FHOD1: variants seen among roughly 807,000 people sequenced by gnomAD.
FHOD1 encodes the protein formin homology 2 domain containing 1.
Under a neutral mutation model 111.6 loss-of-function variants are expected in FHOD1, and 89 were observed. That is an observed-to-expected ratio of 0.80 (90% confidence interval 0.67 to 0.95). The LOEUF (loss-of-function observed/expected upper bound fraction) is 0.95. Ranked by LOEUF, FHOD1 falls within the 40% of genes least tolerant of loss-of-function variation. The pLI, the probability that FHOD1 is intolerant of heterozygous loss-of-function variation, is 0.00. For synonymous variants in FHOD1, 618 were observed against 639.0 expected (o/e 0.97, Z 0.50); for missense variants, 1,446 against 1,554.2 (o/e 0.93, Z 1.17).
rs780484632 is a variant in FHOD1, at chr16:67,237,597, G to T, written c.755-28C>A. 3 of 1,613,432 alleles carry T rather than the reference G, an allele frequency of 1.9e-6. No individual in the cohort carries two copies. The highest frequency in any genetic ancestry group is 4.5e-5 in the East Asian group (2 of 44,884). On this transcript the variant is annotated intron_variant, in intron 7 of 21. Coordinates refer to ENST00000258201, the MANE Select transcript of FHOD1 (RefSeq NM_013241.3). The surrounding 1 kb of genome is among the most constrained non-coding windows in gnomAD (Gnocchi z 5.6). ...GCCACACAGAAAGTGGAGCAGTCAT[G>T]GGGGAACAGGTAGGAGAGAGGGCTC...
At chr16:67,236,869 G>A in intron 10 of FHOD1, 97 bp downstream of exon 10, 2 of 1,479,064 alleles carry the variant, frequency 1.4e-6, no homozygotes, top group Non-Finnish European at 1.8e-6. Flanking sequence ...GGCTGTCTGT[G>A]GGGCGGGGCC....
Position 67,234,123 on chromosome 16 carries a change from T to C in FHOD1, c.1580A>G (p.Glu527Gly), listed in dbSNP as rs2271290. The change falls in exon 13 of 22, where the codon GAG becomes GGG. Residue 527 changes from glutamate to glycine, a missense_variant. By Grantham distance (98) the Glu-to-Gly change is moderately conservative (BLOSUM62 -2). This residue lies in a region of FHOD1 where 1,085 missense variants were observed against 1,108.8 expected (regional missense o/e 0.98). Coordinates refer to ENST00000258201, the MANE Select transcript of FHOD1 (RefSeq NM_013241.3). ...ACGGGTAGGGAGCTCCCAGATGGGCTCAGCCTTGGGGCTTGCTGGTATCAG... is the reference window on the plus strand; with the variant it reads ...ACGGGTAGGGAGCTCCCAGATGGGCCCAGCCTTGGGGCTTGCTGGTATCAG... ...EPLIPASPKA[E>G]PIWELPTRAP... The C allele has an allele frequency of 1.3e-6, 2 of 1,583,862 alleles. No individual in the cohort carries two copies. The highest frequency in any genetic ancestry group is 1.3e-5 in the African/African-American group (1 of 74,250).
chr16:67,236,998 G>C lies in FHOD1; in HGVS notation c.1110C>G (p.Gly370=), dbSNP rs756978661. ...CCGGGGCACGCGCGGGGCAGCCCCC[G>C]CCTTCCAGAGAACGGCGGCTCCTCT... ...EGKRSRRSLE[G]GGCPARAPEP... The change falls in exon 10 of 22, where the codon GGC becomes GGG. Residue 370 remains glycine, a synonymous_variant. Transcript: ENST00000258201. 1.9e-6 allele frequency: 3 copies of C among 1,606,464 alleles called. No homozygotes were observed. The highest frequency in any genetic ancestry group is 1.1e-5 in the South Asian group (1 of 90,336).
At chr16:67,239,083 G>C in intron 2 of FHOD1, 116 bp from the exon 3 acceptor site, 3 of 1,021,212 alleles carry the variant, frequency 2.9e-6, no homozygotes, top group Non-Finnish European at 4.5e-6. Context: ...GTTCCTCCCA[G>C]CTGCTCCTCC....
rs139535724 is a variant in FHOD1 at position 67,233,712 on chromosome 16, G to A, written c.1991C>T (p.Thr664Met). 6.8e-6 allele frequency: 11 copies of A among 1,611,514 alleles called. No homozygotes were observed. The African/African-American group carries it at 8.0e-5, about 12-fold the overall frequency. The part of the protein sequence containing the change: ...WASLDPVSVD[T>M]ARLEHLFESR... ...CTCAAAGAGGTGTTCCAGTCGGGCC[G>A]TGTCCACTGAGACAGGGTCCAGTGA... Residue 664 changes from threonine (T) to methionine (M), a missense_variant, in exon 13 of 22, where the codon ACG becomes ATG. Physicochemically the swap from Thr to Met is moderately conservative, Grantham distance 81 (BLOSUM62 -1). Coordinates refer to ENST00000258201, the MANE Select transcript of FHOD1 (RefSeq NM_013241.3).
intron 1 of FHOD1, among the ~76,000 whole-genome samples, chr16:67,240,832 C>T (rs2142297883): frequency 6.6e-6 from 1 of 152,344 alleles, no homozygotes; most frequent in African/African-American, 2.4e-5. Flanking sequence ...GGCTCTGGCC[C>T]TTGAGATGCC....
rs138761571 is a variant in FHOD1, at chr16:67,240,046, G to A, written c.202-592C>T. On this transcript the variant is annotated intron_variant, in intron 1 of 21. Transcript: ENST00000258201. ...AAGAAAGTGTTAAGATGGCTGGGAG[G>A]TGCAAACCCACCCGGGAGAGTGTGT... 3.9e-5 allele frequency among the ~76,000 whole-genome samples: 6 copies of A among 152,304 alleles called. No individual in the cohort carries two copies. The East Asian group carries it at 1.2e-3, about 29-fold the overall frequency.
chr16:67,234,757 G>T, intron 11 of FHOD1: 4 of 374,854 alleles, frequency 1.1e-5, no homozygotes, highest in South Asian at 4.7e-5. Context: ...CACTGTCCTG[G>T]TTTTTTTTTG....
At position 67,232,816 on chromosome 16, in the gene FHOD1, AT is replaced by A. The variant is rs569365125; in HGVS notation, c.2047-623del. Among the ~76,000 whole-genome samples the A allele has an allele frequency of 4.3e-3, 621 of 144,682 alleles. 4 individuals are homozygous for A. In the Middle Eastern group the frequency reaches 0.055, roughly 13 times the overall value. 94.9% of individuals were successfully genotyped at this position (144,682 alleles called of 152,430 possible). A position where few individuals can be genotyped will look rare whatever the true frequency, so the allele number is the denominator to read the frequency against. ...CAGGCGTGTACCACCATACCCAACT[AT>A]TTTTTTTTTTAACATTTTTTTTTCC... On this transcript the variant is annotated intron_variant, in intron 13 of 21. Transcript: ENST00000258201.
chr16:67,236,474 G>A, intron 11 of FHOD1, 83 bp downstream of exon 11: 1 of 1,557,038 alleles, frequency 6.4e-7, no homozygotes, highest in South Asian at 1.2e-5. Flanking sequence ...TTGGGCAGAG[G>A]AGGCTGAGTG....
Position 67,247,214 on chromosome 16 carries a change from A to G in FHOD1, c.197T>C (p.Leu66Pro). 6.3e-7 allele frequency: 1 copy of G among 1,574,890 alleles called. No homozygotes were observed. Among genetic ancestry groups the G allele is most frequent in the Non-Finnish European group, 8.6e-7 (1 of 1,163,444 alleles). Reference protein sequence around the residue: ...PAVHRLLGAPLKLEDCALQVS... With the variant: ...PAVHRLLGAPPKLEDCALQVS... Reference sequence around the variant, plus strand: ...CCTTTCTCCGGCCTCCCTCACCTTGAGCGGCGCTCCCAGCAGGCGGTGCAC... The same window carrying G: ...CCTTTCTCCGGCCTCCCTCACCTTGGGCGGCGCTCCCAGCAGGCGGTGCAC... The change falls in exon 1 of 22, where the codon CTC becomes CCC. Residue 66 changes from leucine to proline, a missense_variant. By Grantham distance (98) the Leu-to-Pro change is moderately conservative (BLOSUM62 -3). Transcript: ENST00000258201.
At chr16:67,233,537 CCTTT>C in intron 13 of FHOD1, 116 bp downstream of exon 13, 1 of 1,370,620 alleles carries the variant, frequency 7.3e-7, no homozygotes, top group South Asian at 1.6e-5. Context: ...ATTTCCTACT[CCTTT>C]CTTTGCCTTG....
intron 1 of FHOD1, 29 bp downstream of exon 1, chr16:67,247,181 C>A: frequency 6.7e-7 from 1 of 1,501,790 alleles, no homozygotes; most frequent in Non-Finnish European, 8.8e-7. Flanking sequence ...AACCCCCGAT[C>A]GCCCCAACCT....
At chr16:67,242,122 C>T (rs1367839394) in intron 1 of FHOD1, among the ~76,000 whole-genome samples, 2 of 152,172 alleles carry the variant, frequency 1.3e-5, no homozygotes, top group Non-Finnish European at 2.9e-5. Context: ...GCGTGCATCA[C>T]CATGCCTGGC....
intron 1 of FHOD1, among the ~76,000 whole-genome samples, chr16:67,246,426 G>A (rs1235999474): frequency 4.6e-5 from 7 of 152,176 alleles, no homozygotes; most frequent in Non-Finnish European, 7.4e-5. Context: ...GGGAGAGGAG[G>A]TAGGCTGGCC....
intron 11 of FHOD1, chr16:67,236,329 C>G (rs531649336): frequency 3.7e-6 from 5 of 1,363,972 alleles, no homozygotes; most frequent in Non-Finnish European, 4.8e-6. Flanking sequence ...CAAAGACAGG[C>G]AGAACGTCGG....
rs2034571786 is a variant in FHOD1 at position 67,238,379 on chromosome 16, C to A, written c.441+1G>T. The A allele has an allele frequency of 6.2e-7, 1 of 1,614,016 alleles. No homozygotes were observed. The highest frequency in any genetic ancestry group is 1.3e-5 in the African/African-American group (1 of 74,922). On this transcript the variant is annotated splice_donor_variant, in intron 4 of 21. Coordinates refer to ENST00000258201, the MANE Select transcript of FHOD1 (RefSeq NM_013241.3). LOFTEE classifies it high-confidence loss of function. This position sits in a 1 kb window ranked among gnomAD's most constrained non-coding sequence, Gnocchi z 4.2. ...ACCCCCAGCCCACTGCGGGGCCTCA[C>A]CTGGAAGATCTGCTTCAGTGAGAAG...
In FHOD1 at chr16:67,239,001, C is replaced by A. The variant is rs1238148466; in HGVS notation, c.309-34G>T. 19 of 1,608,662 alleles carry A rather than the reference C, an allele frequency of 1.2e-5. 1 individual carries two copies. Among genetic ancestry groups the A allele is most frequent in the Non-Finnish European group, 1.4e-5 (17 of 1,175,362 alleles). On this transcript the variant is annotated intron_variant, in intron 2 of 21. Transcript: ENST00000258201. ...AAGGATCTCTGTTAGCAGCTCCCAG[C>A]CTATCCCTCAGCATTCCTCCCCACA... is the stretch of plus-strand genomic sequence containing the variant.
Position 67,234,200 on chromosome 16 carries a change from G to C in FHOD1, c.1503C>G (p.Pro501=), listed in dbSNP as rs775806091. The part of the protein sequence containing the change: ...PAARTPQSPA[P]CVLLRAQRSL... ...TTCGCTGGGCCCGGAGCAGGACACA[G>C]GGGGCAGGGCTCTGGGGTGTTCTGG... Residue 501 remains proline (P), a synonymous_variant, in exon 13 of 22, where the codon CCC becomes CCG. Transcript: ENST00000258201. 7.1e-6 allele frequency: 11 copies of C among 1,548,322 alleles called. No individual in the cohort carries two copies. In the Admixed American group the frequency reaches 1.9e-4, roughly 27 times the overall value.
Sources: gnomAD v4.1 joint callset for allele counts (sites outside exome capture counted in the v4.1 genomes callset) on GRCh38, gnomAD v4.1.1 for gene constraint, gnomAD v4.1.1 regional missense constraint, Gnocchi (gnomAD v3.1) non-coding constraint, MANE v1.5 for transcripts, NCBI Gene and HGNC (gene_info 2026-07-23, HGNC 2026-07-21) for gene names.